Variants in OGDHL observed in about 807,000 individuals in gnomAD.
The protein encoded by OGDHL is oxoglutarate dehydrogenase L.
In OGDHL, 79 loss-of-function variants were observed where a neutral mutation model predicts 109.6. That is an observed-to-expected ratio of 0.72 (90% CI 0.60 to 0.87). The LOEUF (loss-of-function observed/expected upper bound fraction) is 0.87, where lower values mean the gene tolerates loss of function less well. Ranked by LOEUF, OGDHL falls within the 40% of genes least tolerant of loss-of-function variation. The pLI is 0.00. For missense variants in OGDHL, 1,275 were observed against 1,362.2 expected (o/e 0.94, Z 1.01); for synonymous variants, 528 against 537.2 (o/e 0.98, Z 0.24).
chr10:49,745,609 C>A, intron 11 of OGDHL, 113 bp from the exon 12 acceptor site: 4 of 1,401,258 alleles, frequency 2.9e-6, no homozygotes, highest in Non-Finnish European at 3.9e-6. Context: ...GCCCTTTGAG[C>A]TCCACTATCA....
chr10:49,735,092 G>C lies in OGDHL; in HGVS notation c.*136C>G. 1 of 1,096,226 alleles carries C rather than the reference G, an allele frequency of 9.1e-7. No individual in the cohort carries two copies. The highest frequency in any genetic ancestry group is 2.4e-5 in the East Asian group (1 of 41,402). The allele number at this position is 1,096,226 out of a possible 1,614,324, so 67.9% of individuals were successfully genotyped here. A position where few individuals can be genotyped will look rare whatever the true frequency, so the allele number is the denominator to read the frequency against. ...ACCAAGGCCAGCAGTGCTGGCTCTT[G>C]GCCCTGTCACTGTGTCTGTTTTATC... On this transcript the variant is annotated 3_prime_UTR_variant, in exon 23 of 23. Coordinates refer to ENST00000374103, the MANE Select transcript of OGDHL (RefSeq NM_018245.3).
chr10:49,736,437 C>T lies in OGDHL; in HGVS notation c.2674G>A (p.Gly892Arg), dbSNP rs1237734862. ...TTCACCAGGTCATAGTACACCTTTC[C>T]CGTGCAGAAGATGAGCCGCTGCACC... ...EQVQRLIFCTGKVYYDLVKER... is the reference protein window; with the variant it reads ...EQVQRLIFCTRKVYYDLVKER... The change falls in exon 21 of 23, where the codon GGA becomes AGA. Residue 892 changes from glycine (G) to arginine (R), a missense_variant. Transcript: ENST00000374103. The T allele has an allele frequency of 6.2e-7, 1 of 1,614,124 alleles. No individual in the cohort carries two copies.
At chr10:49,755,193 G>A (rs572265891) in intron 3 of OGDHL, among the ~76,000 whole-genome samples, 6 of 152,304 alleles carry the variant, frequency 3.9e-5, no homozygotes, top group East Asian at 3.9e-4. Flanking sequence ...ACAGTGAGTC[G>A]AGACTGCATC....
At chr10:49,752,910 A>G (rs1179440935) in intron 3 of OGDHL, among the ~76,000 whole-genome samples, 170 bp from the exon 4 acceptor site, 1 of 152,260 alleles carries the variant, frequency 6.6e-6, no homozygotes, top group African/African-American at 2.4e-5. Context: ...AGCCACAGCC[A>G]GTAAGGTGGC....
intron 17 of OGDHL, chr10:49,739,067 A>T (rs1015050687): frequency 9.2e-5 from 14 of 152,530 alleles, no homozygotes; most frequent in African/African-American, 3.4e-4. Flanking sequence ...AATGGTGGCA[A>T]TGAGCCCCCT....
intron 15 of OGDHL, among the ~76,000 whole-genome samples, chr10:49,741,412 C>T: frequency 6.6e-6 from 1 of 152,046 alleles, no homozygotes; most frequent in East Asian, 1.9e-4. Context: ...TGGAGCAAGA[C>T]CAGCCGAGAT....
chr10:49,739,619 G>T (rs374157425), intron 17 of OGDHL, 42 bp downstream of exon 17: 2 of 1,596,802 alleles, frequency 1.3e-6, no homozygotes, highest in South Asian at 1.1e-5. Flanking sequence ...TTCAAGGCCC[G>T]CCAGAACCCA....
chr10:49,759,896 G>A (rs1275291129), intron 1 of OGDHL, among the ~76,000 whole-genome samples: 2 of 152,234 alleles, frequency 1.3e-5, no homozygotes, highest in Admixed American at 6.5e-5. Context: ...TGGCTTCCAA[G>A]TACTGCCCAG....
chr10:49,739,948 T>C, intron 16 of OGDHL, 109 bp from the exon 17 acceptor site: 1 of 1,191,954 alleles, frequency 8.4e-7, no homozygotes, highest in Non-Finnish European at 1.2e-6. Flanking sequence ...CCCATCCTTC[T>C]CACAAGCCAG....
At chr10:49,750,136 T>C (rs926930555) in intron 7 of OGDHL, among the ~76,000 whole-genome samples, 1 of 152,134 alleles carries the variant, frequency 6.6e-6, no homozygotes, top group African/African-American at 2.4e-5. Context: ...CCCTGCACCA[T>C]GCATTTGGAT....
chr10:49,746,855 C>T lies in OGDHL; in HGVS notation c.1191G>A (p.Gly397=). The change falls in exon 10 of 23, where the codon GGG becomes GGA. Residue 397 remains glycine (G), a synonymous_variant. Transcript: ENST00000374103. ...GKKVMSILVH[G]DAAFAGQGVV... ...CGCCCTGGCCAGCAAAGGCGGCGTC[C>T]CCATGAACCAGGATGGACATGACCT... 7 of 1,614,130 alleles carry T rather than the reference C, an allele frequency of 4.3e-6. No homozygotes were observed. Among genetic ancestry groups the T allele is most frequent in the Non-Finnish European group, 5.9e-6 (7 of 1,180,004 alleles).
chr10:49,734,736 C>T lies in OGDHL; in HGVS notation c.*492G>A, dbSNP rs369375598. 3 of 152,502 alleles carry T rather than the reference C, an allele frequency of 2.0e-5. No homozygotes were observed. The highest frequency in any genetic ancestry group is 4.8e-5 in the African/African-American group (2 of 41,454). 9.4% of individuals were successfully genotyped at this position (152,502 alleles called of 1,614,324 possible). On this transcript the variant is annotated 3_prime_UTR_variant, in exon 23 of 23. Coordinates refer to ENST00000374103, the MANE Select transcript of OGDHL (RefSeq NM_018245.3). ...ATTTCACACAGAAGCTGACACATCT[C>T]GCAGGAATGCCCCATAAAACAGAGC...
chr10:49,742,436 CAACAA>C (rs1841825693), intron 15 of OGDHL, among the ~76,000 whole-genome samples: 9 of 39,822 alleles, frequency 2.3e-4, no homozygotes, highest in Admixed American at 5.7e-4. Context: ...ACCACACATA[CAACAA>C]ACACACCACA....
rs370501238 is a variant in OGDHL at position 49,758,359 on chromosome 10, G to A, written c.204+30C>T. On this transcript the variant is annotated intron_variant, in intron 2 of 22. Coordinates refer to ENST00000374103, the MANE Select transcript of OGDHL (RefSeq NM_018245.3). ...GCCCCCGAGGGCTTCCCTCCCTTGC[G>A]GTGGCCCAGGGTAGGGTGGGGATGC... is the stretch of plus-strand genomic sequence containing the variant. The A allele has an allele frequency of 1.2e-4, 183 of 1,582,394 alleles. 1 individual carries two copies. Among genetic ancestry groups the A allele is most frequent in the Middle Eastern group, 6.7e-4 (4 of 5,926 alleles).
At position 49,758,575 on chromosome 10, in the gene OGDHL, CA is replaced by C; in HGVS notation, c.17del (p.Leu6ArgfsTer115). 6.2e-7 allele frequency: 1 copy of C among 1,613,856 alleles called. No homozygotes were observed. Among genetic ancestry groups the C allele is most frequent in the Non-Finnish European group, 8.5e-7 (1 of 1,180,016 alleles). MSQLR[L>X]LPSRLGVQAA... The stretch of plus-strand genomic sequence containing the variant: ...CCTGTACCCCAAGACGGGACGGCAG[CA>C]GCCTCAGCTGACTCATTCTGGACAC... On this transcript the variant is annotated frameshift_variant, in exon 2 of 23. Transcript: ENST00000374103. LOFTEE classifies it high-confidence loss of function.
intron 20 of OGDHL, among the ~76,000 whole-genome samples, chr10:49,737,440 G>A (rs1416630890): frequency 2.0e-5 from 3 of 152,214 alleles, no homozygotes; most frequent in African/African-American, 4.8e-5. Context: ...CCCAGGGCCT[G>A]TAATGTCTGT....
intron 3 of OGDHL, among the ~76,000 whole-genome samples, chr10:49,753,087 C>T (rs930158101): frequency 3.3e-5 from 5 of 152,178 alleles, no homozygotes; most frequent in South Asian, 2.1e-4. Flanking sequence ...ATCCACACAG[C>T]GGAGCACTCC....
In OGDHL at chr10:49,751,929, T is replaced by C. The variant is rs771609304; in HGVS notation, c.647A>G (p.Glu216Gly). Residue 216 changes from glutamate to glycine, a missense_variant, in exon 6 of 23, where the codon GAG (glutamate) becomes GGG (glycine). By Grantham distance (98) the Glu-to-Gly change is moderately conservative. Transcript: ENST00000374103. ...CTTCTGCCGGATCCACTGGCACTGC[T>C]CCACATCGTTGATGAACATGAACTC... The part of the protein sequence containing the change: ...GLEFMFINDV[E>G]QCQWIRQKFE... The C allele has an allele frequency of 6.2e-7, 1 of 1,614,100 alleles. No homozygotes were observed. Among genetic ancestry groups the C allele is most frequent in the Non-Finnish European group, 8.5e-7 (1 of 1,179,994 alleles).
Position 49,740,971 on chromosome 10 carries a change from C to T in OGDHL, c.2013-134G>A. 4.4e-6 allele frequency: 5 copies of T among 1,132,194 alleles called. No homozygotes were observed. In the South Asian group the frequency reaches 5.8e-5, roughly 13 times the overall value. 70.1% of individuals were successfully genotyped at this position (1,132,194 alleles called of 1,614,324 possible). A position where few individuals can be genotyped will look rare whatever the true frequency, so the allele number is the denominator to read the frequency against. Reference sequence around the variant, plus strand: ...CCAGGAAACCTGCAGGGTCCCACAACATGGCATCCAAGAAGGCTGTGGAAA... The same window carrying T: ...CCAGGAAACCTGCAGGGTCCCACAATATGGCATCCAAGAAGGCTGTGGAAA... On this transcript the variant is annotated intron_variant, in intron 15 of 22. Coordinates refer to ENST00000374103, the MANE Select transcript of OGDHL (RefSeq NM_018245.3).
Sources: allele counts gnomAD v4.1 joint callset (sites outside exome capture counted in the v4.1 genomes callset), GRCh38; gene constraint gnomAD v4.1.1; transcripts MANE v1.5; gene names NCBI Gene and HGNC (gene_info 2026-07-23, HGNC 2026-07-21).